The following CDKN2B-AS1 variants were observed in gnomAD, a reference collection of about 807,000 sequenced individuals.
CDKN2B-AS1 encodes CDKN2B antisense RNA 1 (non-protein coding).
At chr9:22,022,991 G>A (rs139039937) in intron 1 of CDKN2B-AS1, among the ~76,000 whole-genome samples, 2,084 of 152,288 alleles carry the variant, frequency 0.014, 28 homozygotes, top group Middle Eastern at 0.058. Flanking sequence ...CAGCTGAGAG[G>A]TCTGTTGTTA....
chr9:22,126,384 TA>T (rs1362314668), intron 4 of CDKN2B-AS1, among the ~76,000 whole-genome samples: 1 of 152,194 alleles, frequency 6.6e-6, no homozygotes, highest in Non-Finnish European at 1.5e-5. Context: ...TTTGTAGGTT[TA>T]TTTTTTTGTC....
chr9:22,113,030 T>C (rs1365078822), intron 4 of CDKN2B-AS1, among the ~76,000 whole-genome samples: 2 of 152,176 alleles, frequency 1.3e-5, no homozygotes, highest in Non-Finnish European at 2.9e-5. Flanking sequence ...ACTGACGTAT[T>C]AGTTTTCTAT....
chr9:22,074,985 TG>T (rs1219599797), intron 4 of CDKN2B-AS1, among the ~76,000 whole-genome samples: 2 of 152,228 alleles, frequency 1.3e-5, no homozygotes, highest in Non-Finnish European at 2.9e-5. Flanking sequence ...CATAGACAAA[TG>T]TTTTTATTGT....
chr9:22,015,121 A>G (rs1310239070), intron 1 of CDKN2B-AS1, among the ~76,000 whole-genome samples: 2 of 151,980 alleles, frequency 1.3e-5, no homozygotes, highest in Non-Finnish European at 2.9e-5. Flanking sequence ...TTGGGTATAT[A>G]CCCAGTAATG....
chr9:22,047,249 T>C (rs953608318), intron 2 of CDKN2B-AS1, among the ~76,000 whole-genome samples: 19 of 152,190 alleles, frequency 1.2e-4, no homozygotes. Context: ...TAAAACTATG[T>C]ATAGGTATAT....
At chr9:22,028,966 T>C (rs756829038) in intron 1 of CDKN2B-AS1, among the ~76,000 whole-genome samples, 2 of 152,160 alleles carry the variant, frequency 1.3e-5, no homozygotes, top group Non-Finnish European at 2.9e-5. Flanking sequence ...ATCTCCATAT[T>C]TTTGAAAATG....
intron 1 of CDKN2B-AS1, among the ~76,000 whole-genome samples, chr9:22,036,180 C>T (rs1001826832): frequency 2.6e-5 from 4 of 152,054 alleles, no homozygotes; most frequent in African/African-American, 9.7e-5. Context: ...GGTCAAAATT[C>T]ACTTTTCTCC....
At chr9:22,013,022 T>G (rs1821579457) in intron 1 of CDKN2B-AS1, among the ~76,000 whole-genome samples, 1 of 152,234 alleles carries the variant, frequency 6.6e-6, no homozygotes, top group Non-Finnish European at 1.5e-5. Flanking sequence ...GAGTTTTAAC[T>G]TCTCCTGAGG....
intron 4 of CDKN2B-AS1, among the ~76,000 whole-genome samples, chr9:22,069,363 T>C (rs891287802): frequency 5.3e-5 from 8 of 151,998 alleles, no homozygotes. Flanking sequence ...GAATAACCAC[T>C]ATAGCTGAGG....
chr9:22,112,034 A>G (rs1372123670), intron 4 of CDKN2B-AS1: 1 of 152,220 alleles, frequency 6.6e-6, no homozygotes, highest in Admixed American at 6.5e-5. Context: ...TTCCCACCAC[A>G]GTAAGTATTT....
chr9:22,100,364 A>G (rs1825441478), intron 4 of CDKN2B-AS1, among the ~76,000 whole-genome samples: 1 of 152,152 alleles, frequency 6.6e-6, no homozygotes, highest in Non-Finnish European at 1.5e-5. Context: ...TTTTTAAAAT[A>G]GCTTTGCCTA....
chr9:22,019,355 G>A (rs1330025263), intron 1 of CDKN2B-AS1, among the ~76,000 whole-genome samples: 2 of 152,176 alleles, frequency 1.3e-5, no homozygotes, highest in East Asian at 3.8e-4. Context: ...TCAGAGGATA[G>A]GTTATGGTAG....
chr9:22,010,550 C>T (rs899653855), intron 1 of CDKN2B-AS1, among the ~76,000 whole-genome samples: 1 of 152,094 alleles, frequency 6.6e-6, no homozygotes, highest in African/African-American at 2.4e-5. Context: ...CTCCTCATCC[C>T]CCAAATCCCT....
chr9:22,000,965 G>A lies in CDKN2B-AS1; in HGVS notation n.29+5804G>A, dbSNP rs1037432812. Among the ~76,000 whole-genome samples, 2 of 152,020 alleles carry A rather than the reference G, an allele frequency of 1.3e-5. No homozygotes were observed. Among genetic ancestry groups the A allele is most frequent in the African/African-American group, 4.8e-5 (2 of 41,400 alleles). On this transcript the variant is annotated intron_variant and non_coding_transcript_variant, in intron 1 of 4. Coordinates refer to ENST00000650946, the Ensembl canonical transcript of CDKN2B-AS1. This position sits in a 1 kb window ranked among gnomAD's most constrained non-coding sequence, Gnocchi z 4.1. ...CATAGCTCAGTACCTAGTATCTGGC[G>A]CAGAAAGAAGTGGAATGGAATTATC... is the stretch of plus-strand genomic sequence containing the variant.
intron 4 of CDKN2B-AS1, among the ~76,000 whole-genome samples, chr9:22,099,044 C>T (rs1787040806): frequency 6.6e-6 from 1 of 152,146 alleles, no homozygotes; most frequent in Non-Finnish European, 1.5e-5. Flanking sequence ...GGTGTTAGTA[C>T]AGAAAGGACA....
At chr9:22,086,360 A>G (rs1824867926) in intron 4 of CDKN2B-AS1, among the ~76,000 whole-genome samples, 1 of 152,232 alleles carries the variant, frequency 6.6e-6, no homozygotes, top group Non-Finnish European at 1.5e-5. Flanking sequence ...TATTTAAAAC[A>G]CAAGTAACTT....
chr9:22,045,773 G>T (rs1472233791), intron 1 of CDKN2B-AS1, among the ~76,000 whole-genome samples: 1 of 152,096 alleles, frequency 6.6e-6, no homozygotes, highest in African/African-American at 2.4e-5. Flanking sequence ...TTAGCAGTAT[G>T]CTATAAAAGT....
chr9:22,044,829 A>G (rs929272074), intron 1 of CDKN2B-AS1, among the ~76,000 whole-genome samples: 3 of 151,838 alleles, frequency 2.0e-5, no homozygotes, highest in Non-Finnish European at 4.4e-5. Context: ...GCTGGGAAAG[A>G]AGTTTGAAGG....
At chr9:22,053,003 TTG>T (rs1823419984) in intron 3 of CDKN2B-AS1, among the ~76,000 whole-genome samples, 1 of 152,232 alleles carries the variant, frequency 6.6e-6, no homozygotes, top group African/African-American at 2.4e-5. Context: ...CTTTTTAGTT[TTG>T]TGAGAAAATG....
Sources: allele counts gnomAD v4.1 joint callset (sites outside exome capture counted in the v4.1 genomes callset), GRCh38; gene constraint gnomAD v4.1.1; non-coding constraint Gnocchi (gnomAD v3.1); transcripts MANE v1.5; gene names NCBI Gene and HGNC (gene_info 2026-07-23, HGNC 2026-07-21).